BTBD9: variants seen among roughly 807,000 people sequenced by gnomAD.
The protein encoded by BTBD9 is BTB/POZ domain-containing protein 9.
Under a neutral mutation model 64.3 loss-of-function variants are expected in BTBD9, and 49 were observed. The ratio of observed to expected loss-of-function variants is 0.76; its 90% CI spans 0.61 to 0.97. The LOEUF is 0.97. BTBD9 is among the 50% of genes least tolerant of loss of function. The pLI is 0.00. For missense variants in BTBD9, 598 were observed against 762.1 expected (o/e 0.78, Z 2.53); for synonymous variants, 260 against 274.7 (o/e 0.95, Z 0.53).
chr6:38,195,073 T>C (rs1024929717), intron 9 of BTBD9, among the ~76,000 whole-genome samples: 4 of 152,172 alleles, frequency 2.6e-5, no homozygotes, highest in African/African-American at 9.7e-5. Flanking sequence ...GTAAGGGAAG[T>C]TGGTTAGGAC....
At chr6:38,382,657 G>T (rs533773079) in intron 6 of BTBD9, among the ~76,000 whole-genome samples, 1 of 152,102 alleles carries the variant, frequency 6.6e-6, no homozygotes, top group South Asian at 2.1e-4. Context: ...TTTGAAAAGG[G>T]TGACAAAATT....
intron 7 of BTBD9, among the ~76,000 whole-genome samples, chr6:38,340,439 A>C (rs1026270970): frequency 3.3e-5 from 5 of 152,176 alleles, no homozygotes; most frequent in Non-Finnish European, 5.9e-5. Context: ...GGACTCAAAA[A>C]CCAATTTGAA....
Position 38,403,971 on chromosome 6 carries a change from C to G in BTBD9, c.1155-58878G>C, listed in dbSNP as rs545353783. Among the ~76,000 whole-genome samples the G allele has an allele frequency of 1.1e-4, 16 of 152,178 alleles. No homozygotes were observed. In the South Asian group the frequency reaches 3.3e-3, roughly 32 times the overall value. On this transcript the variant is annotated intron_variant, in intron 6 of 10. Coordinates refer to ENST00000481247, the MANE Select transcript of BTBD9 (RefSeq NM_001099272.2). ...AGAGAATTATATGAAGTAAAAGAAG[C>G]CAGACACAAAAGGCCACATATTGTA... is the stretch of plus-strand genomic sequence containing the variant.
intron 6 of BTBD9, among the ~76,000 whole-genome samples, chr6:38,349,089 T>A (rs1262135926): frequency 3.9e-5 from 6 of 152,094 alleles, no homozygotes; most frequent in Middle Eastern, 3.2e-3. Flanking sequence ...TTTGTAGAGA[T>A]GTTGCCCACA....
intron 6 of BTBD9, among the ~76,000 whole-genome samples, chr6:38,559,340 GA>G (rs1159518071): frequency 1.8e-4 from 27 of 147,674 alleles, no homozygotes; most frequent in South Asian, 1.5e-3. Context: ...CACATACAGG[GA>G]AAAAAAAAAC....
chr6:38,266,517 G>A (rs1464299217), intron 8 of BTBD9, among the ~76,000 whole-genome samples: 2 of 151,820 alleles, frequency 1.3e-5, no homozygotes, highest in Non-Finnish European at 2.9e-5. Context: ...GGGTTGCAGG[G>A]AGCCGAGATT....
intron 7 of BTBD9, among the ~76,000 whole-genome samples, chr6:38,296,390 C>T (rs1762159404): frequency 6.6e-6 from 1 of 152,050 alleles, no homozygotes; most frequent in Non-Finnish European, 1.5e-5. Flanking sequence ...TATTAGTGCT[C>T]TTAAAGAACC....
intron 6 of BTBD9, among the ~76,000 whole-genome samples, chr6:38,435,452 A>C (rs1001754956): frequency 6.6e-6 from 1 of 151,740 alleles, no homozygotes; most frequent in Admixed American, 6.6e-5. Flanking sequence ...TGAAAAAAAG[A>C]AAAAGAAAAG....
At chr6:38,300,232 C>T (rs1762334934) in intron 7 of BTBD9, among the ~76,000 whole-genome samples, 2 of 152,280 alleles carry the variant, frequency 1.3e-5, no homozygotes, top group South Asian at 4.1e-4. Flanking sequence ...TGTTTTGGAA[C>T]CAGTACCATG....
intron 1 of BTBD9, among the ~76,000 whole-genome samples, chr6:38,627,847 T>C (rs971888277): frequency 3.3e-5 from 5 of 152,174 alleles, no homozygotes. Flanking sequence ...AGCATGAGTA[T>C]TAGCAGGCTT....
At chr6:38,286,792 T>G (rs1231089173) in intron 8 of BTBD9, among the ~76,000 whole-genome samples, 1 of 151,954 alleles carries the variant, frequency 6.6e-6, no homozygotes, top group Non-Finnish European at 1.5e-5. Context: ...TTAAAAAAAT[T>G]TAGTGTTGGC....
At chr6:38,186,071 G>C (rs1343943356) in intron 10 of BTBD9, among the ~76,000 whole-genome samples, 1 of 152,176 alleles carries the variant, frequency 6.6e-6, no homozygotes, top group Non-Finnish European at 1.5e-5. Flanking sequence ...CTCAGCCATA[G>C]GGTGAATGTG....
intron 9 of BTBD9, among the ~76,000 whole-genome samples, chr6:38,219,401 C>G (rs1763126060): frequency 6.6e-6 from 1 of 151,902 alleles, no homozygotes. Flanking sequence ...CTCAGCCTCC[C>G]AAAGTGCTGG....
intron 6 of BTBD9, among the ~76,000 whole-genome samples, chr6:38,469,899 T>C (rs571525621): frequency 1.1e-4 from 17 of 152,336 alleles, no homozygotes; most frequent in Non-Finnish European, 2.2e-4. Flanking sequence ...ATACAAAATA[T>C]TGTAATACGT....
intron 1 of BTBD9, among the ~76,000 whole-genome samples, chr6:38,605,676 G>A (rs1222995585): frequency 6.6e-6 from 1 of 152,154 alleles, no homozygotes; most frequent in Non-Finnish European, 1.5e-5. Context: ...AAATTAGCCT[G>A]GCATGGTGGT....
chr6:38,274,434 G>C (rs1348417637), intron 8 of BTBD9, among the ~76,000 whole-genome samples: 3 of 151,858 alleles, frequency 2.0e-5, no homozygotes, highest in Admixed American at 1.3e-4. Context: ...GGAGTGGTGA[G>C]AGAGGGCATC....
chr6:38,513,920 T>C (rs934918284), intron 6 of BTBD9, among the ~76,000 whole-genome samples: 2 of 152,182 alleles, frequency 1.3e-5, no homozygotes, highest in African/African-American at 4.8e-5. Context: ...TTGCCAGCTG[T>C]CACATAAAGG....
intron 9 of BTBD9, 109 bp downstream of exon 9, chr6:38,256,300 C>T: frequency 6.8e-6 from 5 of 739,232 alleles, no homozygotes; most frequent in Non-Finnish European, 1.2e-5. Context: ...TTTCCACCTC[C>T]AAATAAGAAT....
At chr6:38,449,860 T>C (rs1769440764) in intron 6 of BTBD9, among the ~76,000 whole-genome samples, 1 of 152,172 alleles carries the variant, frequency 6.6e-6, no homozygotes. Flanking sequence ...CTCCATGACA[T>C]TAGTCTGGGC....
Sources: gnomAD v4.1 joint callset for allele counts (sites outside exome capture counted in the v4.1 genomes callset) on GRCh38, gnomAD v4.1.1 for gene constraint, MANE v1.5 for transcripts, NCBI Gene and HGNC (gene_info 2026-07-23, HGNC 2026-07-21) for gene names.